Variants in TBC1D5 observed in about 807,000 individuals in gnomAD.
TBC1D5 encodes the protein TBC1 domain family member 5.
TBC1D5 carries 75 observed loss-of-function variants against 100.3 expected under a neutral mutation model. That is an observed-to-expected ratio of 0.75 (90% CI 0.62 to 0.91). The LOEUF (loss-of-function observed/expected upper bound fraction) is 0.91. TBC1D5 is among the 40% of genes least tolerant of loss of function. The pLI is 0.00. For synonymous variants in TBC1D5, 323 were observed against 325.6 expected (o/e 0.99, Z 0.09); for missense variants, 910 against 942.4 (o/e 0.97, Z 0.45).
At chr3:17,568,631 T>TA (rs1472542671) in intron 2 of TBC1D5, among the ~76,000 whole-genome samples, 1 of 151,622 alleles carries the variant, frequency 6.6e-6, no homozygotes, top group African/African-American at 2.4e-5. Flanking sequence ...CTTTTAAGAA[T>TA]AAAAAGGAAC....
chr3:17,587,523 A>C (rs2096740041), intron 2 of TBC1D5, among the ~76,000 whole-genome samples: 2 of 151,766 alleles, frequency 1.3e-5, no homozygotes, highest in African/African-American at 4.9e-5. Flanking sequence ...ATCGAGTAAC[A>C]AAAGTCACTC....
Position 17,717,168 on chromosome 3 carries a change from G to A in TBC1D5, c.-101+22175C>T, listed in dbSNP as rs2075309819. Among the ~76,000 whole-genome samples the A allele has an allele frequency of 2.0e-5, 3 of 151,730 alleles. No homozygotes were observed. The South Asian group carries it at 6.2e-4, about 32-fold the overall frequency. On this transcript the variant is annotated intron_variant, in intron 1 of 21. Transcript: ENST00000253692. ...CAGATCAGTCTTCTCTGACTCTAGG[G>A]TGTAATTCTATTATTCTCCCTTGCT...
At chr3:17,280,281 A>C (rs2080438165) in intron 15 of TBC1D5, among the ~76,000 whole-genome samples, 2 of 152,186 alleles carry the variant, frequency 1.3e-5, no homozygotes, top group South Asian at 4.1e-4. Flanking sequence ...AGCCAAGTGG[A>C]TATTCCTTTT....
At chr3:17,559,831 C>T (rs867235246) in intron 2 of TBC1D5, among the ~76,000 whole-genome samples, 1 of 152,030 alleles carries the variant, frequency 6.6e-6, no homozygotes, top group Non-Finnish European at 1.5e-5. Flanking sequence ...CTTCATGATC[C>T]GCCCATCTCA....
At chr3:17,234,705 A>G (rs1369211822) in intron 17 of TBC1D5, among the ~76,000 whole-genome samples, 3 of 152,150 alleles carry the variant, frequency 2.0e-5, no homozygotes, top group Non-Finnish European at 4.4e-5. Context: ...TCTATGCATG[A>G]TCATTTATGA....
intron 1 of TBC1D5, among the ~76,000 whole-genome samples, chr3:17,735,518 C>CTTTT (rs1182603927): frequency 6.6e-6 from 1 of 152,132 alleles, no homozygotes; most frequent in African/African-American, 2.4e-5. Context: ...GGCAGCAAGC[C>CTTTT]TTTTGTTCTC....
intron 1 of TBC1D5, chr3:17,665,060 AAAGG>A (rs1560412720): frequency 1.0e-5 from 1 of 99,436 alleles, no homozygotes; most frequent in Non-Finnish European, 2.1e-5. Context: ...AAGGAAGAAG[AAAGG>A]AAAAAAAAAC....
intron 17 of TBC1D5, among the ~76,000 whole-genome samples, chr3:17,235,666 C>T (rs555169993): frequency 1.3e-5 from 2 of 152,308 alleles, no homozygotes; most frequent in Admixed American, 1.3e-4. Context: ...AGGTGGGAGA[C>T]TCTCCAGGGA....
Position 17,500,873 on chromosome 3 carries a change from T to G in TBC1D5, c.97+7601A>C, listed in dbSNP as rs942533993. 1.7e-4 allele frequency among the ~76,000 whole-genome samples: 26 copies of G among 149,562 alleles called. 6 individuals carry two copies. The highest frequency in any genetic ancestry group is 5.6e-4 in the African/African-American group (22 of 39,362). ...ATTTCTAGAGGATGACTCACAGATT[T>G]CTAACTCATGGTCTTTCAAACTGAA... On this transcript the variant is annotated intron_variant, in intron 3 of 21. Coordinates refer to ENST00000253692, the Ensembl canonical transcript of TBC1D5.
intron 14 of TBC1D5, among the ~76,000 whole-genome samples, chr3:17,296,203 A>G (rs1280728556): frequency 1.3e-5 from 2 of 152,258 alleles, no homozygotes; most frequent in Non-Finnish European, 2.9e-5. Context: ...GATTAAGTAT[A>G]AAATAAAATG....
At chr3:17,534,620 T>C (rs935725139) in intron 2 of TBC1D5, among the ~76,000 whole-genome samples, 3 of 152,124 alleles carry the variant, frequency 2.0e-5, no homozygotes, top group Non-Finnish European at 4.4e-5. Flanking sequence ...TTTAACAAGA[T>C]AAAGAAAAGG....
rs150553798 is a variant in TBC1D5 at position 17,399,394 on chromosome 3, C to T, written c.509+3787G>A. ...AGGATCTGAAACAGAGCAGTAAAAA[C>T]GGAACAGAAACTTATGAATGTGAGA... On this transcript the variant is annotated intron_variant, in intron 8 of 21. Transcript: ENST00000253692. 7.6e-3 allele frequency among the ~76,000 whole-genome samples: 1,159 copies of T among 152,126 alleles called. 9 individuals carry two copies. Among genetic ancestry groups the T allele is most frequent in the Non-Finnish European group, 0.011 (772 of 67,966 alleles).
intron 3 of TBC1D5, among the ~76,000 whole-genome samples, chr3:17,481,565 C>T (rs1448413424): frequency 1.3e-5 from 2 of 152,174 alleles, no homozygotes; most frequent in Non-Finnish European, 2.9e-5. Context: ...CTTATCTTCA[C>T]AGAGTATGTC....
chr3:17,669,949 G>A (rs555006759), intron 1 of TBC1D5, among the ~76,000 whole-genome samples: 13 of 152,256 alleles, frequency 8.5e-5, no homozygotes, highest in Middle Eastern at 3.4e-3. Flanking sequence ...GCAATGGCGC[G>A]ATCTCGGCTC....
At chr3:17,351,993 G>A (rs1575478884) in intron 13 of TBC1D5, among the ~76,000 whole-genome samples, 1 of 144,724 alleles carries the variant, frequency 6.9e-6, no homozygotes. Context: ...CTAACCTAAA[G>A]AGAAACATGT....
chr3:17,471,107 TAA>T (rs1178081959), intron 3 of TBC1D5, among the ~76,000 whole-genome samples: 1 of 152,144 alleles, frequency 6.6e-6, no homozygotes, highest in African/African-American at 2.4e-5. Context: ...ACATGAAGCC[TAA>T]AACCACTTTT....
chr3:17,159,896 G>A (rs923800096), exon 22 of TBC1D5: 2 of 152,236 alleles, frequency 1.3e-5, no homozygotes, highest in African/African-American at 4.8e-5. Context: ...CCCCACAGAA[G>A]GGACTCTAGG....
chr3:17,256,625 C>A (rs1393091667), intron 16 of TBC1D5, among the ~76,000 whole-genome samples: 1 of 151,992 alleles, frequency 6.6e-6, no homozygotes, highest in East Asian at 1.9e-4. Context: ...TCAAAAAATT[C>A]ATATAACAAA....
intron 3 of TBC1D5, among the ~76,000 whole-genome samples, chr3:17,455,183 C>CGT (rs201589943): frequency 3.9e-5 from 5 of 126,806 alleles, no homozygotes; most frequent in Admixed American, 1.5e-4. Flanking sequence ...CACACACACA[C>CGT]GTGTGTGTGT....
Sources: gnomAD v4.1 joint callset for allele counts (sites outside exome capture counted in the v4.1 genomes callset) on GRCh38, gnomAD v4.1.1 for gene constraint, MANE v1.5 for transcripts, NCBI Gene and HGNC (gene_info 2026-07-23, HGNC 2026-07-21) for gene names.